The following VSTM2B variants were observed in gnomAD, a reference collection of about 807,000 sequenced individuals.
VSTM2B encodes the protein V-set and transmembrane domain containing 2B.
A neutral mutation model predicts 24.0 loss-of-function variants in VSTM2B; 24 were observed. That is an observed-to-expected ratio of 1.00 (90% confidence interval 0.72 to 1.40). VSTM2B has a LOEUF of 1.40. Ranked by LOEUF, VSTM2B falls within the 40% of genes most tolerant of loss-of-function variation. The pLI is 0.00. For missense variants in VSTM2B, 399 were observed against 416.4 expected, an observed-to-expected ratio of 0.96 and a Z score of 0.36; for synonymous variants, 226 against 194.4, an observed-to-expected ratio of 1.16 and a Z score of -1.35.
rs184384562 is a variant in VSTM2B at position 29,555,888 on chromosome 19, A to C, written c.770-7958A>C. 3.9e-5 allele frequency among the ~76,000 whole-genome samples: 6 copies of C among 152,296 alleles called. No homozygotes were observed. The East Asian group carries it at 1.2e-3, about 29-fold the overall frequency. ...AGTTGAATCCCTGAATAGACCAGTA[A>C]TAAGTTTTGAAATTGAGGCAGTAAT... On this transcript the variant is annotated intron_variant, in intron 4 of 4. Coordinates refer to ENST00000335523, the MANE Select transcript of VSTM2B (RefSeq NM_001146339.2).
At chr19:29,562,380 C>T (rs1164339849) in intron 4 of VSTM2B, among the ~76,000 whole-genome samples, 1 of 152,140 alleles carries the variant, frequency 6.6e-6, no homozygotes, top group African/African-American at 2.4e-5. Flanking sequence ...AGCCTCAAGT[C>T]TCTGTTTATT....
At position 29,560,858 on chromosome 19, in the gene VSTM2B, G is replaced by A. The variant is rs943023908; in HGVS notation, c.770-2988G>A. Among the ~76,000 whole-genome samples, 8 of 152,268 alleles carry A rather than the reference G, an allele frequency of 5.3e-5. 1 individual carries two copies. The Middle Eastern group carries it at 0.01, about 194-fold the overall frequency. On this transcript the variant is annotated intron_variant, in intron 4 of 4. Coordinates refer to ENST00000335523, the MANE Select transcript of VSTM2B (RefSeq NM_001146339.2). ...CCATGGGGCACCAGACAAGGTTCAC[G>A]TTGCCAGGCTCACCCTCCTGTTAGC... is the stretch of plus-strand genomic sequence containing the variant.
At chr19:29,558,167 C>T (rs1970453724) in intron 4 of VSTM2B, among the ~76,000 whole-genome samples, 1 of 152,156 alleles carries the variant, frequency 6.6e-6, no homozygotes, top group East Asian at 1.9e-4. Context: ...GAGATACCAT[C>T]TCACGCCAGT....
At chr19:29,563,136 A>G (rs1970573419) in intron 4 of VSTM2B, among the ~76,000 whole-genome samples, 1 of 152,148 alleles carries the variant, frequency 6.6e-6, no homozygotes, top group Non-Finnish European at 1.5e-5. Context: ...GGGATGCACA[A>G]GGGACAGAAT....
chr19:29,526,399 C>G lies in VSTM2B; in HGVS notation c.-185C>G. 4.7e-6 allele frequency: 1 copy of G among 211,376 alleles called. No homozygotes were observed. The highest frequency in any genetic ancestry group is 9.2e-6 in the Non-Finnish European group (1 of 109,180). The allele number at this position is 211,376 out of a possible 1,614,324, so 13.1% of individuals were successfully genotyped here. A position where few individuals can be genotyped will look rare whatever the true frequency, so the allele number is the denominator to read the frequency against. On this transcript the variant is annotated 5_prime_UTR_variant, in exon 1 of 5. Coordinates refer to ENST00000335523, the MANE Select transcript of VSTM2B (RefSeq NM_001146339.2). This position sits in a 1 kb window ranked among gnomAD's most constrained non-coding sequence, Gnocchi z 4.1. ...CCCGCGCAGCGCCCCCCGCCGGAGC[C>G]GCACCGGGCAAGCCGGCGAGGGAGC...
At chr19:29,530,329 G>A in intron 4 of VSTM2B, 39 bp downstream of exon 4, 1 of 1,468,470 alleles carries the variant, frequency 6.8e-7, no homozygotes, top group Admixed American at 2.5e-5. Flanking sequence ...CGCGGGGATG[G>A]CGCAGGGCTA....
At chr19:29,539,643 G>C (rs953036902) in intron 4 of VSTM2B, among the ~76,000 whole-genome samples, 1 of 152,306 alleles carries the variant, frequency 6.6e-6, no homozygotes, top group Admixed American at 6.5e-5. Flanking sequence ...TCTTCCACTT[G>C]CGTTCCTGCA....
chr19:29,528,405 C>G (rs373947054), intron 2 of VSTM2B, 28 bp from the exon 3 acceptor site: 163 of 1,551,020 alleles, frequency 1.1e-4, no homozygotes, highest in Non-Finnish European at 1.4e-4. Context: ...GCGAGCCTCA[C>G]GTCTCTCTCT....
At chr19:29,534,043 A>G (rs774680033) in intron 4 of VSTM2B, among the ~76,000 whole-genome samples, 5 of 152,234 alleles carry the variant, frequency 3.3e-5, no homozygotes, top group Non-Finnish European at 7.3e-5. Flanking sequence ...GCAGAGGCAC[A>G]TGGAACATTC....
chr19:29,562,941 C>T (rs1970568084), intron 4 of VSTM2B, among the ~76,000 whole-genome samples: 1 of 152,128 alleles, frequency 6.6e-6, no homozygotes, highest in Admixed American at 6.5e-5. Flanking sequence ...GGTCATTTCT[C>T]AAAGACCCCA....
chr19:29,556,729 C>T (rs1970418614), intron 4 of VSTM2B, among the ~76,000 whole-genome samples: 1 of 151,986 alleles, frequency 6.6e-6, no homozygotes, highest in Admixed American at 6.6e-5. Flanking sequence ...CTGTGATAGA[C>T]AAGCAACAAT....
At position 29,528,532 on chromosome 19, in the gene VSTM2B, C is replaced by A. The variant is rs542030911; in HGVS notation, c.297+70C>A. ...CGCCTCGGGTCCCGCAGCTCCCTCC[C>A]TTAGCAAGCCGCGGCGGCCGCGCAT... is the stretch of plus-strand genomic sequence containing the variant. On this transcript the variant is annotated intron_variant, in intron 3 of 4. Coordinates refer to ENST00000335523, the MANE Select transcript of VSTM2B (RefSeq NM_001146339.2). 3 of 1,535,658 alleles carry A rather than the reference C, an allele frequency of 2.0e-6. No homozygotes were observed. In the African/African-American group the frequency reaches 4.1e-5, roughly 21 times the overall value.
chr19:29,554,010 A>T (rs1361823808), intron 4 of VSTM2B, among the ~76,000 whole-genome samples: 2 of 152,194 alleles, frequency 1.3e-5, no homozygotes, highest in Non-Finnish European at 2.9e-5. Flanking sequence ...TCACAATATC[A>T]TCCAGGAGAA....
At chr19:29,548,010 G>C (rs1406571271) in intron 4 of VSTM2B, among the ~76,000 whole-genome samples, 1 of 152,120 alleles carries the variant, frequency 6.6e-6, no homozygotes, top group African/African-American at 2.4e-5. Context: ...AGGTGCGTCT[G>C]AAGGATGGAG....
chr19:29,555,867 GA>G (rs909740567), intron 4 of VSTM2B, among the ~76,000 whole-genome samples: 8 of 152,074 alleles, frequency 5.3e-5, no homozygotes, highest in Non-Finnish European at 4.4e-5. Flanking sequence ...GGAAGAAGTT[GA>G]ATCCCTGAAT....
At chr19:29,527,604 C>G (rs1164561075) in intron 2 of VSTM2B, among the ~76,000 whole-genome samples, 1 of 152,222 alleles carries the variant, frequency 6.6e-6, no homozygotes, top group Non-Finnish European at 1.5e-5. Flanking sequence ...ATCGCTGTTC[C>G]CACCACCTCC....
At chr19:29,542,740 G>C (rs1280673781) in intron 4 of VSTM2B, among the ~76,000 whole-genome samples, 3 of 152,178 alleles carry the variant, frequency 2.0e-5, no homozygotes, top group Non-Finnish European at 4.4e-5. Context: ...AACATGGATG[G>C]AAAGATGGGT....
intron 4 of VSTM2B, among the ~76,000 whole-genome samples, chr19:29,530,828 G>T (rs1051992183): frequency 6.6e-6 from 1 of 152,144 alleles, no homozygotes; most frequent in Non-Finnish European, 1.5e-5. Context: ...TTGGCTAAAT[G>T]CAGGATGGCC....
chr19:29,555,647 ATAGT>A (rs145086775), intron 4 of VSTM2B, among the ~76,000 whole-genome samples: 13,268 of 152,094 alleles, frequency 0.087, 1,191 homozygotes, highest in African/African-American at 0.23. Flanking sequence ...AATTAATAAA[ATAGT>A]TAGACTGCCA....
Sources: gnomAD v4.1 joint callset for allele counts (sites outside exome capture counted in the v4.1 genomes callset) on GRCh38, gnomAD v4.1.1 for gene constraint, Gnocchi (gnomAD v3.1) non-coding constraint, MANE v1.5 for transcripts, NCBI Gene and HGNC (gene_info 2026-07-23, HGNC 2026-07-21) for gene names.